The following GSK3B variants were observed in gnomAD, a reference collection of about 807,000 sequenced individuals.
GSK3B encodes the protein glycogen synthase kinase 3 beta.
Under a neutral mutation model 56.4 loss-of-function variants are expected in GSK3B, and 15 were observed. The ratio of observed to expected loss-of-function variants is 0.27; its 90% CI spans 0.18 to 0.41. The LOEUF is 0.41. Among genes scored for constraint, GSK3B ranks in the 10% least tolerant of loss-of-function variants. The probability of loss-of-function intolerance (pLI) is 1.00; values close to 1 mark genes in which losing one functional copy is unlikely to be tolerated. For missense variants in GSK3B, 300 were observed against 513.4 expected (o/e 0.58, Z 4.02); for synonymous variants, 181 against 188.9 (o/e 0.96, Z 0.34).
At chr3:119,838,741 T>C (rs1469637936) in intron 10 of GSK3B, among the ~76,000 whole-genome samples, 2 of 152,210 alleles carry the variant, frequency 1.3e-5, no homozygotes, top group African/African-American at 2.4e-5. Flanking sequence ...ATACATACTG[T>C]TTTATTATAT....
intron 7 of GSK3B, among the ~76,000 whole-genome samples, chr3:119,884,666 T>C (rs1330965357): frequency 6.9e-6 from 1 of 145,174 alleles, no homozygotes; most frequent in Admixed American, 6.8e-5. Flanking sequence ...AAATAACATT[T>C]AAAAAGTCAT....
intron 2 of GSK3B, among the ~76,000 whole-genome samples, chr3:119,979,294 C>G (rs2057438551): frequency 6.6e-6 from 1 of 152,174 alleles, no homozygotes; most frequent in Admixed American, 6.5e-5. Context: ...GCTTGTACCT[C>G]TTATAAAATC....
Position 120,093,261 on chromosome 3 carries a change from T to C in GSK3B, c.88+86A>G. 6 of 877,952 alleles carry C rather than the reference T, an allele frequency of 6.8e-6. No individual in the cohort carries two copies. In the East Asian group the frequency reaches 9.7e-5, roughly 14 times the overall value. The allele number at this position is 877,952 out of a possible 1,614,324, so 54.4% of individuals were successfully genotyped here. A position where few individuals can be genotyped will look rare whatever the true frequency, so the allele number is the denominator to read the frequency against. On this transcript the variant is annotated intron_variant, in intron 1 of 10. Transcript: ENST00000264235. ...TTTCCATTGCCTGTTTATCAGGAGG[T>C]CTAATAATTTCAGATCCTGGTATTT...
chr3:120,083,805 T>A (rs192329127), intron 1 of GSK3B, among the ~76,000 whole-genome samples: 5 of 152,316 alleles, frequency 3.3e-5, no homozygotes, highest in Admixed American at 1.3e-4. Context: ...TACAATGAAA[T>A]GTTATTCAGC....
chr3:119,875,649 G>A (rs1037755154), intron 8 of GSK3B, among the ~76,000 whole-genome samples: 3 of 151,896 alleles, frequency 2.0e-5, no homozygotes, highest in Non-Finnish European at 2.9e-5. Context: ...GAAGAAGCTA[G>A]AGATTCACTC....
chr3:119,931,604 G>A (rs898670886), intron 3 of GSK3B, among the ~76,000 whole-genome samples: 1 of 151,824 alleles, frequency 6.6e-6, no homozygotes, highest in East Asian at 1.9e-4. Context: ...GACAGAGCAA[G>A]ACTGTCTCAA....
chr3:120,062,618 T>C (rs1162916160), intron 1 of GSK3B, among the ~76,000 whole-genome samples: 1 of 152,194 alleles, frequency 6.6e-6, no homozygotes, highest in African/African-American at 2.4e-5. Context: ...AGTTATAATT[T>C]ATATAGTAAA....
At chr3:119,907,683 G>A (rs982277365) in intron 6 of GSK3B, among the ~76,000 whole-genome samples, 4 of 152,068 alleles carry the variant, frequency 2.6e-5, no homozygotes, top group African/African-American at 9.7e-5. Flanking sequence ...TATTTAACTC[G>A]GGTTCATGTT....
At chr3:119,830,369 T>C (rs749973060) in intron 10 of GSK3B, among the ~76,000 whole-genome samples, 2 of 152,226 alleles carry the variant, frequency 1.3e-5, no homozygotes, top group African/African-American at 2.4e-5. Flanking sequence ...TTTTACACAA[T>C]GGAATCTGAA....
At chr3:120,056,627 C>G (rs927617911) in intron 1 of GSK3B, among the ~76,000 whole-genome samples, 1 of 152,146 alleles carries the variant, frequency 6.6e-6, no homozygotes, top group Non-Finnish European at 1.5e-5. Flanking sequence ...ACATGAGCCA[C>G]TGTGCCTGAC....
rs2055493417 is a variant in GSK3B at position 119,825,698 on chromosome 3, T to A, written c.*1090A>T. 1 of 225,700 alleles carries A rather than the reference T, an allele frequency of 4.4e-6. No individual in the cohort carries two copies. Among genetic ancestry groups the A allele is most frequent in the Admixed American group, 5.7e-5 (1 of 17,494 alleles). The allele number at this position is 225,700 out of a possible 1,614,324, so 14.0% of individuals were successfully genotyped here. A position where few individuals can be genotyped will look rare whatever the true frequency, so the allele number is the denominator to read the frequency against. On this transcript the variant is annotated 3_prime_UTR_variant, in exon 11 of 11. Transcript: ENST00000264235. ...CTAGATTTGGATTTAAAATTAGAAC[T>A]ATGTGTAGAATGTGGCTATTTCTGC...
intron 2 of GSK3B, among the ~76,000 whole-genome samples, chr3:119,978,205 C>T (rs916398661): frequency 6.6e-6 from 1 of 152,062 alleles, no homozygotes; most frequent in African/African-American, 2.4e-5. Flanking sequence ...CAAACTCCTC[C>T]CAGATCAGAG....
intron 2 of GSK3B, among the ~76,000 whole-genome samples, chr3:119,978,225 C>A (rs187843383): frequency 6.6e-6 from 1 of 152,066 alleles, no homozygotes; most frequent in African/African-American, 2.4e-5. Context: ...GACATACTAG[C>A]CTCAAAATAA....
chr3:119,910,889 A>C (rs958631716), intron 6 of GSK3B, among the ~76,000 whole-genome samples: 1 of 152,232 alleles, frequency 6.6e-6, no homozygotes, highest in Admixed American at 6.5e-5. Context: ...TCCATAAAAG[A>C]AGCAACTTGT....
intron 9 of GSK3B, among the ~76,000 whole-genome samples, chr3:119,849,543 C>T (rs146696111): frequency 1.3e-5 from 2 of 152,208 alleles, no homozygotes; most frequent in African/African-American, 4.8e-5. Flanking sequence ...TCCTTATGGC[C>T]CATGCTGTCC....
intron 1 of GSK3B, among the ~76,000 whole-genome samples, chr3:120,053,661 T>G (rs142228948): frequency 9.1e-4 from 138 of 152,340 alleles, no homozygotes; most frequent in African/African-American, 3.0e-3. Context: ...CCAAATCTCA[T>G]TTTGAATTGT....
intron 1 of GSK3B, among the ~76,000 whole-genome samples, chr3:120,004,398 C>T (rs1459954537): frequency 1.3e-5 from 2 of 152,220 alleles, no homozygotes; most frequent in African/African-American, 2.4e-5. Context: ...TGCCTGACAG[C>T]TCTGAAGACA....
chr3:120,028,680 T>C (rs1240996666), intron 1 of GSK3B: 3 of 409,374 alleles, frequency 7.3e-6, no homozygotes, highest in Non-Finnish European at 9.6e-6. Flanking sequence ...TGTTATTCAG[T>C]TCCTCCACAC....
chr3:119,976,504 G>C (rs2057409229), intron 2 of GSK3B, among the ~76,000 whole-genome samples: 1 of 152,102 alleles, frequency 6.6e-6, no homozygotes, highest in African/African-American at 2.4e-5. Context: ...TTCCAGGATG[G>C]GCAAATCCAT....
Sources: allele counts gnomAD v4.1 joint callset (sites outside exome capture counted in the v4.1 genomes callset), GRCh38; gene constraint gnomAD v4.1.1; transcripts MANE v1.5; gene names NCBI Gene and HGNC (gene_info 2026-07-23, HGNC 2026-07-21).